PCSK6: variants seen among roughly 807,000 people sequenced by gnomAD.
PCSK6 encodes proprotein convertase subtilisin/kexin type 6.
A neutral mutation model predicts 123.3 loss-of-function variants in PCSK6; 85 were observed. The ratio of observed to expected loss-of-function variants is 0.69; its 90% confidence interval spans 0.58 to 0.83. The LOEUF (loss-of-function observed/expected upper bound fraction) is 0.83, where lower values mean the gene tolerates loss of function less well. PCSK6 is among the 40% of genes least tolerant of loss of function. The pLI is 0.00. For missense variants in PCSK6, 1,191 were observed against 1,282.3 expected (o/e 0.93, Z 1.09); for synonymous variants, 508 against 516.0 (o/e 0.98, Z 0.21).
At chr15:101,400,475 G>A (rs1056911815) in intron 6 of PCSK6, among the ~76,000 whole-genome samples, 1 of 152,184 alleles carries the variant, frequency 6.6e-6, no homozygotes, top group Non-Finnish European at 1.5e-5. Context: ...ATACTCAAAA[G>A]CAGCAACTTT....
intron 1 of PCSK6, among the ~76,000 whole-genome samples, chr15:101,451,396 G>A (rs575371981): frequency 6.2e-4 from 95 of 152,160 alleles, no homozygotes; most frequent in African/African-American, 2.2e-3. Flanking sequence ...GGGGTGGGTC[G>A]GCTAAGCGCA....
intron 5 of PCSK6, among the ~76,000 whole-genome samples, chr15:101,429,478 A>G (rs2056373785): frequency 6.6e-6 from 1 of 152,154 alleles, no homozygotes; most frequent in Non-Finnish European, 1.5e-5. Flanking sequence ...ACACTAAGAC[A>G]TGAAGTTTCA....
intron 1 of PCSK6, among the ~76,000 whole-genome samples, chr15:101,456,674 CT>C (rs1312729807): frequency 6.6e-6 from 1 of 152,220 alleles, no homozygotes; most frequent in Non-Finnish European, 1.5e-5. Context: ...AGATGCACCC[CT>C]GGATAAAAAC....
intron 20 of PCSK6, among the ~76,000 whole-genome samples, chr15:101,309,596 A>C (rs898518354): frequency 6.6e-6 from 1 of 152,230 alleles, no homozygotes; most frequent in Non-Finnish European, 1.5e-5. Flanking sequence ...GGGATGCAGA[A>C]GACTGACGCT....
chr15:101,334,429 G>A (rs973497255), intron 13 of PCSK6: 1 of 145,242 alleles, frequency 6.9e-6, no homozygotes, highest in African/African-American at 2.6e-5. Flanking sequence ...CACCGCTGCA[G>A]CAGTGACACA....
rs191795641 is a variant in PCSK6 at position 101,457,385 on chromosome 15, G to C, written c.298-13725C>G. Among the ~76,000 whole-genome samples, 566 of 152,190 alleles carry C rather than the reference G, an allele frequency of 3.7e-3. 4 individuals are homozygous for C. Among genetic ancestry groups the C allele is most frequent in the African/African-American group, 0.013 (543 of 41,512 alleles). On this transcript the variant is annotated intron_variant, in intron 1 of 21. Coordinates refer to ENST00000611716, the MANE Select transcript of PCSK6 (RefSeq NM_002570.5). The stretch of plus-strand genomic sequence containing the variant: ...ATTTCCTTGCCCAAGGTTTCTAGGG[G>C]GATAAATGAGGCGTGATGCATATGG...
chr15:101,434,516 C>T (rs1231824613), intron 2 of PCSK6, among the ~76,000 whole-genome samples: 1 of 152,252 alleles, frequency 6.6e-6, no homozygotes, highest in Non-Finnish European at 1.5e-5. Context: ...GCCCTTGGTC[C>T]TTGCTGGGCT....
chr15:101,445,330 T>C (rs2056859978), intron 1 of PCSK6, among the ~76,000 whole-genome samples: 1 of 152,154 alleles, frequency 6.6e-6, no homozygotes, highest in Admixed American at 6.5e-5. Context: ...TCAGTTTCCT[T>C]ATGAGACTAA....
chr15:101,475,962 G>C (rs1270103881), intron 1 of PCSK6, among the ~76,000 whole-genome samples: 2 of 152,166 alleles, frequency 1.3e-5, no homozygotes, highest in East Asian at 3.8e-4. Context: ...CTATCTGTTG[G>C]GAGAGCCATG....
At chr15:101,427,779 G>T in intron 6 of PCSK6, 113 bp downstream of exon 6, 2 of 776,332 alleles carry the variant, frequency 2.6e-6, no homozygotes, top group Non-Finnish European at 4.2e-6. Flanking sequence ...CCAGGGGTCT[G>T]CTGACATGGC....
At chr15:101,324,402 C>T (rs1202068940) in intron 17 of PCSK6, among the ~76,000 whole-genome samples, 5 of 152,358 alleles carry the variant, frequency 3.3e-5, no homozygotes, top group South Asian at 2.1e-4. Flanking sequence ...CCCTGACCCA[C>T]GCCCAGCGCA....
chr15:101,482,786 C>T, intron 1 of PCSK6, among the ~76,000 whole-genome samples: 1 of 100,174 alleles, frequency 1.0e-5, no homozygotes, highest in African/African-American at 3.7e-5. Context: ...AGTCCTGATT[C>T]TGAGTCTGCT....
At chr15:101,455,975 G>T (rs767006213) in intron 1 of PCSK6, among the ~76,000 whole-genome samples, 3 of 152,206 alleles carry the variant, frequency 2.0e-5, no homozygotes, top group Non-Finnish European at 4.4e-5. Flanking sequence ...AGGGGACCAG[G>T]TCCCAGCCCA....
chr15:101,434,918 T>G (rs1212002355), intron 2 of PCSK6, among the ~76,000 whole-genome samples: 2 of 152,132 alleles, frequency 1.3e-5, no homozygotes, highest in Non-Finnish European at 2.9e-5. Flanking sequence ...AAAGCCATTT[T>G]CCAGGTTCAC....
intron 13 of PCSK6, among the ~76,000 whole-genome samples, chr15:101,352,756 G>C (rs1441013093): frequency 6.6e-6 from 1 of 152,186 alleles, no homozygotes; most frequent in African/African-American, 2.4e-5. Flanking sequence ...TTCAGAATAG[G>C]TTTTCCTTGC....
intron 1 of PCSK6, among the ~76,000 whole-genome samples, chr15:101,448,446 G>A (rs950065077): frequency 2.0e-5 from 3 of 152,226 alleles, no homozygotes; most frequent in African/African-American, 7.2e-5. Flanking sequence ...AGGGTACAGA[G>A]TTAGTGGGGA....
intron 13 of PCSK6, among the ~76,000 whole-genome samples, chr15:101,358,821 T>C (rs1035463113): frequency 6.6e-6 from 1 of 152,176 alleles, no homozygotes; most frequent in Non-Finnish European, 1.5e-5. Context: ...TCCCTCACCC[T>C]GGGAGGATCC....
At chr15:101,414,675 A>G (rs1163498057) in intron 6 of PCSK6, among the ~76,000 whole-genome samples, 1 of 152,216 alleles carries the variant, frequency 6.6e-6, no homozygotes, top group African/African-American at 2.4e-5. Flanking sequence ...TCAACCCATT[A>G]GAATGAAAGA....
At chr15:101,361,793 G>T (rs968852523) in intron 13 of PCSK6, among the ~76,000 whole-genome samples, 1 of 152,090 alleles carries the variant, frequency 6.6e-6, no homozygotes, top group Non-Finnish European at 1.5e-5. Context: ...AGTAGGGGTT[G>T]AGGCAGGGGG....
Sources: allele counts gnomAD v4.1 joint callset (sites outside exome capture counted in the v4.1 genomes callset), GRCh38; gene constraint gnomAD v4.1.1; transcripts MANE v1.5; gene names NCBI Gene and HGNC (gene_info 2026-07-23, HGNC 2026-07-21).